Variants in ZFP36L2 observed in about 807,000 individuals in gnomAD.
ZFP36L2 encodes ZFP36 like 2 zinc finger CCCH-type.
In ZFP36L2, 16 loss-of-function variants were observed where a neutral mutation model predicts 27.9. That is an observed-to-expected ratio of 0.57 (90% CI 0.39 to 0.87). The LOEUF (loss-of-function observed/expected upper bound fraction) is 0.87, where lower values mean the gene tolerates loss of function less well. Among genes scored for constraint, ZFP36L2 ranks in the 40% least tolerant of loss-of-function variants. ZFP36L2 has a pLI of 0.00. For missense variants in ZFP36L2, 989 were observed against 726.9 expected, an observed-to-expected ratio of 1.36 and a Z score of -4.15; for synonymous variants, 600 against 363.8, an observed-to-expected ratio of 1.65 and a Z score of -7.39.
Position 43,226,474 on chromosome 2 carries a change from G to A in ZFP36L2, c.-159C>T. ...GAGAGGAGAGGGCGAGTGCAGCGGCGCGGGCCGGCGGGAGGGTCCGGCGGA... is the reference window on the plus strand; with the variant it reads ...GAGAGGAGAGGGCGAGTGCAGCGGCACGGGCCGGCGGGAGGGTCCGGCGGA... On this transcript the variant is annotated 5_prime_UTR_variant, in exon 1 of 2. Coordinates refer to ENST00000282388, the MANE Select transcript of ZFP36L2 (RefSeq NM_006887.5). 1.1e-6 allele frequency: 1 copy of A among 880,694 alleles called. No individual in the cohort carries two copies. Among genetic ancestry groups the A allele is most frequent in the Non-Finnish European group, 1.7e-6 (1 of 573,170 alleles). The allele number at this position is 880,694 out of a possible 1,614,324, so 54.6% of individuals were successfully genotyped here.
chr2:43,226,595 C>T lies in ZFP36L2; in HGVS notation c.-280G>A. 1 of 469,912 alleles carries T rather than the reference C, an allele frequency of 2.1e-6. No homozygotes were observed. The highest frequency in any genetic ancestry group is 2.8e-5 in the South Asian group (1 of 35,734). The allele number at this position is 469,912 out of a possible 1,614,324, so 29.1% of individuals were successfully genotyped here. ...CGCGGAGCCGACGGCAGCTCGCGGA[C>T]TGCTGGAACTCGGCGGCCTCCGAGC... On this transcript the variant is annotated 5_prime_UTR_variant, in exon 1 of 2. Coordinates refer to ENST00000282388, the MANE Select transcript of ZFP36L2 (RefSeq NM_006887.5).
In ZFP36L2 at chr2:43,226,532, C is replaced by A. The variant is rs372535990; in HGVS notation, c.-217G>T. ...AGGGGGGAAGGAGAGAAGCGAGGAG[C>A]GCTCCTCCGCGCCCCGGGGTGCCCG... is the stretch of plus-strand genomic sequence containing the variant. On this transcript the variant is annotated 5_prime_UTR_variant, in exon 1 of 2. Coordinates refer to ENST00000282388, the MANE Select transcript of ZFP36L2 (RefSeq NM_006887.5). The A allele has an allele frequency of 9.2e-6, 5 of 541,882 alleles. No homozygotes were observed. The South Asian group carries it at 9.4e-5, about 10-fold the overall frequency. The allele number at this position is 541,882 out of a possible 1,614,324, so 33.6% of individuals were successfully genotyped here.
At position 43,225,422 on chromosome 2, in the gene ZFP36L2, C is replaced by G; in HGVS notation, c.382G>C (p.Gly128Arg). The G allele has an allele frequency of 6.2e-7, 1 of 1,613,428 alleles. No homozygotes were observed. Among genetic ancestry groups the G allele is most frequent in the South Asian group, 1.1e-5 (1 of 91,064 alleles). ...TGCAGGAGGTGCTGGCTGCGATCGC[C>G]GTTCTCGCTAAACGAGCGGTCCCGG... ...KFRDRSFSEN[G>R]DRSQHLLHLQ... is the part of the protein sequence containing the mutation. Residue 128 changes from glycine (G) to arginine (R), a missense_variant, in exon 2 of 2, where the codon GGC becomes CGC. Gly to Arg is a moderately radical substitution (Grantham distance 125). Coordinates refer to ENST00000282388, the MANE Select transcript of ZFP36L2 (RefSeq NM_006887.5).
rs564039437 is a variant in ZFP36L2, at chr2:43,224,049, T to G, written c.*270A>C. 1.3e-4 allele frequency: 48 copies of G among 363,568 alleles called. No homozygotes were observed. The South Asian group carries it at 3.2e-3, about 24-fold the overall frequency. 22.5% of individuals were successfully genotyped at this position (363,568 alleles called of 1,614,324 possible). On this transcript the variant is annotated 3_prime_UTR_variant, in exon 2 of 2. Coordinates refer to ENST00000282388, the MANE Select transcript of ZFP36L2 (RefSeq NM_006887.5). ...AACTGCCCTGTTGTGAATATTTTGTTCAACAGAAAAAGTTCGACTTTTTTG... is the reference window on the plus strand; with the variant it reads ...AACTGCCCTGTTGTGAATATTTTGTGCAACAGAAAAAGTTCGACTTTTTTG...
rs777452810 is a variant in ZFP36L2 at position 43,224,742 on chromosome 2, C to G, written c.1062G>C (p.Ser354=). ...LAPGAPCAAC[S]SASCANNAFA... ...AGGCGTTGTTGGCGCACGAGGCCGA[C>G]GAGCAGGCCGCGCACGGGGCCCCCG... Residue 354 remains serine, a synonymous_variant, in exon 2 of 2, where the codon TCG becomes TCC. Transcript: ENST00000282388. 4.0e-6 allele frequency: 6 copies of G among 1,515,382 alleles called. No individual in the cohort carries two copies. Among genetic ancestry groups the G allele is most frequent in the Non-Finnish European group, 5.3e-6 (6 of 1,138,970 alleles). The allele number at this position is 1,515,382 out of a possible 1,614,324, so 93.9% of individuals were successfully genotyped here. A position where few individuals can be genotyped will look rare whatever the true frequency, so the allele number is the denominator to read the frequency against.
At position 43,224,497 on chromosome 2, in the gene ZFP36L2, C is replaced by T; in HGVS notation, c.1307G>A (p.Arg436His). ...GTCGAACACGGGCGAGTCGGACAGG[C>T]GGCGCGGCAGCTGGAAGCTGAAGGG... is the stretch of plus-strand genomic sequence containing the variant. ...SPPFSFQLPR[R>H]LSDSPVFDAP... is the part of the protein sequence containing the mutation. The change falls in exon 2 of 2, where the codon CGC (arginine) becomes CAC (histidine). Residue 436 changes from arginine to histidine, a missense_variant. Arg to His is a conservative substitution (Grantham distance 29, BLOSUM62 0). Coordinates refer to ENST00000282388, the MANE Select transcript of ZFP36L2 (RefSeq NM_006887.5). 3 of 1,494,094 alleles carry T rather than the reference C, an allele frequency of 2.0e-6. No homozygotes were observed. The highest frequency in any genetic ancestry group is 2.7e-6 in the Non-Finnish European group (3 of 1,127,408). The allele number at this position is 1,494,094 out of a possible 1,614,324, so 92.6% of individuals were successfully genotyped here. A position where few individuals can be genotyped will look rare whatever the true frequency, so the allele number is the denominator to read the frequency against.
rs1035078699 is a variant in ZFP36L2, at chr2:43,222,486, T to G, written c.*1833A>C. The G allele has an allele frequency of 1.3e-5, 2 of 152,404 alleles. No individual in the cohort carries two copies. Among genetic ancestry groups the G allele is most frequent in the African/African-American group, 4.8e-5 (2 of 41,474 alleles). 9.4% of individuals were successfully genotyped at this position (152,404 alleles called of 1,614,324 possible). On this transcript the variant is annotated 3_prime_UTR_variant, in exon 2 of 2. Coordinates refer to ENST00000282388, the MANE Select transcript of ZFP36L2 (RefSeq NM_006887.5). ...TTTACAGTCACAATTTGTAGTGAGC[T>G]GATTCCCCAAAATATATTACAACTC...
In ZFP36L2 at chr2:43,224,179, T is replaced by C; in HGVS notation, c.*140A>G. The C allele has an allele frequency of 1.2e-6, 1 of 803,298 alleles. No homozygotes were observed. Among genetic ancestry groups the C allele is most frequent in the South Asian group, 4.6e-5 (1 of 21,582 alleles). The allele number at this position is 803,298 out of a possible 1,614,324, so 49.8% of individuals were successfully genotyped here. On this transcript the variant is annotated 3_prime_UTR_variant, in exon 2 of 2. Coordinates refer to ENST00000282388, the MANE Select transcript of ZFP36L2 (RefSeq NM_006887.5). ...TCCCGGCACAGAGTTCGAGTCCAAG[T>C]GCTCGGTCGGGCTTGCAGTCTGCCT...
chr2:43,225,643 C>T lies in ZFP36L2; in HGVS notation c.161G>A (p.Arg54Gln). ...PSSGFAPGFL[R>Q]RHSASNLHAL... Reference sequence around the variant, plus strand: ...ATGCAGGTTGCTGGCCGAGTGCCGTCGGAGGAATCCCGGCGCGAAGCCCGA... The same window carrying T: ...ATGCAGGTTGCTGGCCGAGTGCCGTTGGAGGAATCCCGGCGCGAAGCCCGA... Residue 54 changes from arginine to glutamine, a missense_variant, in exon 2 of 2, where the codon CGA becomes CAA. By Grantham distance (43) the Arg-to-Gln change is conservative. Coordinates refer to ENST00000282388, the MANE Select transcript of ZFP36L2 (RefSeq NM_006887.5). 6.3e-7 allele frequency: 1 copy of T among 1,578,256 alleles called. No homozygotes were observed. The highest frequency in any genetic ancestry group is 8.5e-7 in the Non-Finnish European group (1 of 1,170,442).
At chr2:43,226,082 C>A (rs947206125) in intron 1 of ZFP36L2, among the ~76,000 whole-genome samples, 183 bp downstream of exon 1, 5 of 152,138 alleles carry the variant, frequency 3.3e-5, no homozygotes, top group Non-Finnish European at 2.9e-5. Flanking sequence ...AACTCAACCG[C>A]GACACCGGCG....
rs1666992741 is a variant in ZFP36L2, at chr2:43,222,575, A to T, written c.*1744T>A. ...GTCCAAAGTAGTCCAGAGAGTACAT[A>T]TAGTGCTCCAACTGTACCTACGTAC... is the stretch of plus-strand genomic sequence containing the variant. On this transcript the variant is annotated 3_prime_UTR_variant, in exon 2 of 2. Coordinates refer to ENST00000282388, the MANE Select transcript of ZFP36L2 (RefSeq NM_006887.5). The T allele has an allele frequency of 6.6e-6, 1 of 152,350 alleles. No individual in the cohort carries two copies. Among genetic ancestry groups the T allele is most frequent in the South Asian group, 2.1e-4 (1 of 4,828 alleles). 9.4% of individuals were successfully genotyped at this position (152,350 alleles called of 1,614,324 possible). A position where few individuals can be genotyped will look rare whatever the true frequency, so the allele number is the denominator to read the frequency against.
Position 43,225,434 on chromosome 2 carries a change from A to G in ZFP36L2, c.370T>C (p.Phe124Leu), listed in dbSNP as rs1261132285. The change falls in exon 2 of 2, where the codon TTT becomes CTT. Residue 124 changes from phenylalanine (F) to leucine (L), a missense_variant. By Grantham distance (22) the Phe-to-Leu change is conservative (BLOSUM62 0). Transcript: ENST00000282388. ...NKENKFRDRS[F>L]SENGDRSQHL... Reference sequence around the variant, plus strand: ...TGGCTGCGATCGCCGTTCTCGCTAAACGAGCGGTCCCGGAATTTGTTCTCC... The same window carrying G: ...TGGCTGCGATCGCCGTTCTCGCTAAGCGAGCGGTCCCGGAATTTGTTCTCC... The G allele has an allele frequency of 1.2e-6, 2 of 1,611,898 alleles. No individual in the cohort carries two copies. Among genetic ancestry groups the G allele is most frequent in the South Asian group, 1.1e-5 (1 of 91,000 alleles).
Position 43,224,585 on chromosome 2 carries a change from C to CG in ZFP36L2, c.1218dup (p.Ala407ArgfsTer67), listed in dbSNP as rs1667040364. ...GCGCTGGGCGGCGCCGGCGGCTGCG[C>CG]GGGGGGCGCCAGGCCCTGCTGCTGC... On this transcript the variant is annotated frameshift_variant, in exon 2 of 2. Coordinates refer to ENST00000282388, the MANE Select transcript of ZFP36L2 (RefSeq NM_006887.5). LOFTEE classifies it high-confidence loss of function. 6 of 1,340,144 alleles carry CG rather than the reference C, an allele frequency of 4.5e-6. No individual in the cohort carries two copies. The highest frequency in any genetic ancestry group is 3.9e-5 in the South Asian group (2 of 50,674). The allele number at this position is 1,340,144 out of a possible 1,614,324, so 83.0% of individuals were successfully genotyped here.
chr2:43,224,421 G>A lies in ZFP36L2; in HGVS notation c.1383C>T (p.Ser461=), dbSNP rs1478760739. ...TGAGGCTGCCGGAGCTCAGGGAGCC[G>A]CTTAGGTAGCTGTCGCGGTCCGACA... ...DSLSDRDSYL[S]GSLSSGSLSG... The change falls in exon 2 of 2, where the codon AGC becomes AGT. Residue 461 remains serine (S), a synonymous_variant. Transcript: ENST00000282388. The A allele has an allele frequency of 3.2e-6, 5 of 1,549,492 alleles. No individual in the cohort carries two copies. Among genetic ancestry groups the A allele is most frequent in the East Asian group, 5.1e-5 (2 of 39,434 alleles).
chr2:43,225,360 C>G lies in ZFP36L2; in HGVS notation c.444G>C (p.Gln148His). ...QQQQKGGGGS[Q>H]INSTRYKTEL... Reference sequence around the variant, plus strand: ...CGGTCTTGTAGCGCGTGGAGTTGATCTGGGAGCCGCCGCCCCCCTTCTGCT... The same window carrying G: ...CGGTCTTGTAGCGCGTGGAGTTGATGTGGGAGCCGCCGCCCCCCTTCTGCT... Residue 148 changes from glutamine (Q) to histidine (H), a missense_variant, in exon 2 of 2, where the codon CAG becomes CAC. Coordinates refer to ENST00000282388, the MANE Select transcript of ZFP36L2 (RefSeq NM_006887.5). The G allele has an allele frequency of 3.1e-6, 5 of 1,613,484 alleles. No homozygotes were observed. The highest frequency in any genetic ancestry group is 3.4e-6 in the Non-Finnish European group (4 of 1,179,986).
Position 43,225,177 on chromosome 2 carries a change from C to A in ZFP36L2, c.627G>T (p.Gly209=). 6.3e-7 allele frequency: 1 copy of A among 1,599,164 alleles called. No homozygotes were observed. The highest frequency in any genetic ancestry group is 8.5e-7 in the Non-Finnish European group (1 of 1,179,558). Residue 209 remains glycine (G), a synonymous_variant, in exon 2 of 2, where the codon GGG becomes GGT. Transcript: ENST00000282388. The part of the protein sequence containing the change: ...TFHTIGFCPY[G]PRCHFIHNAD... ...CGTTGTGGATGAAGTGGCAGCGCGG[C>A]CCATAGGGGCAGAAGCCGATGGTAT...
chr2:43,224,810 C>T lies in ZFP36L2; in HGVS notation c.994G>A (p.Ala332Thr). 7.0e-7 allele frequency: 1 copy of T among 1,421,562 alleles called. No homozygotes were observed. Among genetic ancestry groups the T allele is most frequent in the Non-Finnish European group, 9.1e-7 (1 of 1,101,320 alleles). 88.1% of individuals were successfully genotyped at this position (1,421,562 alleles called of 1,614,324 possible). A position where few individuals can be genotyped will look rare whatever the true frequency, so the allele number is the denominator to read the frequency against. Residue 332 changes from alanine (A) to threonine (T), a missense_variant, in exon 2 of 2, where the codon GCT becomes ACT. Coordinates refer to ENST00000282388, the MANE Select transcript of ZFP36L2 (RefSeq NM_006887.5). ...CASAAAAAAA[A>T]LLYGTGGAED... ...GCGCCCCCGGTGCCGTACAGCAGAGCGGCCGCAGCCGCGGCCGCCGCGGAG... is the reference window on the plus strand; with the variant it reads ...GCGCCCCCGGTGCCGTACAGCAGAGTGGCCGCAGCCGCGGCCGCCGCGGAG...
Position 43,225,141 on chromosome 2 carries a change from C to A in ZFP36L2, c.663G>T (p.Arg221=). The A allele has an allele frequency of 6.3e-7, 1 of 1,590,220 alleles. No homozygotes were observed. The highest frequency in any genetic ancestry group is 2.3e-5 in the East Asian group (1 of 44,108). The change falls in exon 2 of 2, where the codon CGG becomes CGT. Residue 221 remains arginine (R), a synonymous_variant. Transcript: ENST00000282388. The stretch of plus-strand genomic sequence containing the variant: ...AGGCGCCCCCCGACGGCGCGGGCCG[C>A]CGCTCGTCCGCGTTGTGGATGAAGT... ...RCHFIHNADE[R]RPAPSGGASG...
At position 43,225,047 on chromosome 2, in the gene ZFP36L2, T is replaced by C. The variant is rs1283654245; in HGVS notation, c.757A>G (p.Lys253Glu). Reference protein sequence around the residue: ...HLGFPREPRPKLHHSLSFSGF... With the variant: ...HLGFPREPRPELHHSLSFSGF... ...GAGAAGCTGAGGCTGTGGTGCAACT[T>C]GGGCCGCGGCTCCCGCGGGAAGCCC... Residue 253 changes from lysine (K) to glutamate (E), a missense_variant, in exon 2 of 2, where the codon AAG becomes GAG. Lys to Glu is a moderately conservative substitution (Grantham distance 56, BLOSUM62 1). Transcript: ENST00000282388. 2 of 1,595,196 alleles carry C rather than the reference T, an allele frequency of 1.3e-6. No homozygotes were observed. The highest frequency in any genetic ancestry group is 1.7e-6 in the Non-Finnish European group (2 of 1,178,358).
Sources: allele counts gnomAD v4.1 joint callset (sites outside exome capture counted in the v4.1 genomes callset), GRCh38; gene constraint gnomAD v4.1.1; transcripts MANE v1.5; gene names NCBI Gene and HGNC (gene_info 2026-07-23, HGNC 2026-07-21).